PRDM16: variants seen among roughly 807,000 people sequenced by gnomAD.
The protein encoded by PRDM16 is histone-lysine N-methyltransferase PRDM16.
A neutral mutation model predicts 110.6 loss-of-function variants in PRDM16; 23 were observed. That is an observed-to-expected ratio of 0.21 (90% confidence interval 0.15 to 0.29). The LOEUF is 0.29. Among genes scored for constraint, PRDM16 ranks in the 10% least tolerant of loss-of-function variants. PRDM16 has a pLI of 1.00. For missense variants in PRDM16, 1,615 were observed against 1,794.3 expected (o/e 0.90, Z 1.81); for synonymous variants, 799 against 781.8 (o/e 1.02, Z -0.37).
At chr1:3,416,182 C>A (rs1638253331) in intron 10 of PRDM16, among the ~76,000 whole-genome samples, 1 of 152,198 alleles carries the variant, frequency 6.6e-6, no homozygotes, top group South Asian at 2.1e-4. Flanking sequence ...ACCAGTTCCC[C>A]AAATAGCAAA....
At chr1:3,191,377 C>T (rs1638306011) in intron 2 of PRDM16, among the ~76,000 whole-genome samples, 1 of 152,208 alleles carries the variant, frequency 6.6e-6, no homozygotes, top group Admixed American at 6.5e-5. Context: ...TTCTCTGGCA[C>T]TGCCATCATG....
At chr1:3,257,929 A>G (rs1177909419) in intron 3 of PRDM16, among the ~76,000 whole-genome samples, 3 of 152,200 alleles carry the variant, frequency 2.0e-5, no homozygotes, top group Non-Finnish European at 2.9e-5. Context: ...AGCTGTGTCT[A>G]GGAAGCACCT....
intron 1 of PRDM16, among the ~76,000 whole-genome samples, chr1:3,079,136 G>A (rs1044405948): frequency 2.0e-5 from 3 of 152,244 alleles, no homozygotes; most frequent in African/African-American, 7.2e-5. Flanking sequence ...CGCCTCCCTG[G>A]TGGAGCCGCG....
rs776356367 is a variant in PRDM16 at position 3,431,838 on chromosome 1, C to T, written c.3522-128C>T. The T allele has an allele frequency of 2.1e-4, 183 of 876,108 alleles. 1 individual carries two copies. Among genetic ancestry groups the T allele is most frequent in the Non-Finnish European group, 3.0e-4 (170 of 557,794 alleles). The allele number at this position is 876,108 out of a possible 1,614,324, so 54.3% of individuals were successfully genotyped here. On this transcript the variant is annotated intron_variant, in intron 15 of 16. Transcript: ENST00000270722. ...TCTGTGTGTCCGTGTGTCTGTCTCC[C>T]TGTGCATGTGGCTGGCAGAGATGCA...
intron 3 of PRDM16, among the ~76,000 whole-genome samples, chr1:3,254,825 C>T (rs1640010460): frequency 6.6e-6 from 1 of 151,992 alleles, no homozygotes; most frequent in Non-Finnish European, 1.5e-5. Flanking sequence ...TCATATGGAA[C>T]CAAAAAAGAG....
chr1:3,135,672 C>T (rs879869816), intron 1 of PRDM16, among the ~76,000 whole-genome samples: 4 of 152,218 alleles, frequency 2.6e-5, no homozygotes, highest in African/African-American at 4.8e-5. Context: ...ACCCAGCTTC[C>T]GGGCACTGGC....
At chr1:3,084,220 G>C (rs913105340) in intron 1 of PRDM16, among the ~76,000 whole-genome samples, 6 of 152,184 alleles carry the variant, frequency 3.9e-5, no homozygotes, top group Non-Finnish European at 8.8e-5. Flanking sequence ...GCGTCTGGGG[G>C]CCTGTACCCC....
intron 2 of PRDM16, among the ~76,000 whole-genome samples, chr1:3,236,792 T>C (rs993317963): frequency 1.3e-5 from 2 of 152,220 alleles, no homozygotes; most frequent in Admixed American, 1.3e-4. Context: ...CCCCTTCCTC[T>C]TCTGCACAGA....
At chr1:3,341,107 C>G (rs564758718) in intron 3 of PRDM16, among the ~76,000 whole-genome samples, 18 of 149,810 alleles carry the variant, frequency 1.2e-4, no homozygotes, top group East Asian at 1.2e-3. Flanking sequence ...CGTTTCTCCC[C>G]CTCTGAGCCC....
intron 3 of PRDM16, among the ~76,000 whole-genome samples, chr1:3,300,113 C>T (rs1254129307): frequency 1.1e-5 from 1 of 94,302 alleles, no homozygotes. Context: ...AGATCCCAGT[C>T]GTGGTGACTC....
intron 3 of PRDM16, among the ~76,000 whole-genome samples, chr1:3,277,774 CACGCACACATATGCACACACAA>C (rs1258133399): frequency 9.0e-6 from 1 of 111,238 alleles, no homozygotes; most frequent in East Asian, 1.9e-4. Flanking sequence ...CGCGCACACA[CACGCACACATATGCACACACAA>C]ACGCACAGTT....
chr1:3,087,606 A>T (rs995358762), intron 1 of PRDM16, among the ~76,000 whole-genome samples: 1 of 152,186 alleles, frequency 6.6e-6, no homozygotes, highest in Non-Finnish European at 1.5e-5. Flanking sequence ...CTATCCGCAG[A>T]TGCATTCTTA....
At chr1:3,182,556 G>T (rs907937803) in intron 1 of PRDM16, among the ~76,000 whole-genome samples, 2 of 152,144 alleles carry the variant, frequency 1.3e-5, no homozygotes, top group African/African-American at 4.8e-5. Flanking sequence ...TGGGTGAGGG[G>T]TGCTGAAGGC....
intron 1 of PRDM16, among the ~76,000 whole-genome samples, chr1:3,103,062 G>C (rs1015347601): frequency 2.6e-5 from 4 of 152,204 alleles, no homozygotes; most frequent in African/African-American, 7.2e-5. Flanking sequence ...ACGTTCAATG[G>C]GTCCTCCTCT....
intron 1 of PRDM16, among the ~76,000 whole-genome samples, chr1:3,134,314 G>A (rs575718306): frequency 2.6e-4 from 40 of 152,374 alleles, no homozygotes; most frequent in African/African-American, 9.1e-4. Context: ...GATTCTTGAA[G>A]AGAGGACGTG....
chr1:3,328,538 A>G (rs971538037), intron 3 of PRDM16, among the ~76,000 whole-genome samples: 2 of 152,122 alleles, frequency 1.3e-5, no homozygotes, highest in Non-Finnish European at 2.9e-5. Context: ...TTCAAAGGGC[A>G]CGGGGCCCTG....
chr1:3,413,284 G>C (rs1229970622), intron 9 of PRDM16, among the ~76,000 whole-genome samples: 2 of 149,094 alleles, frequency 1.3e-5, no homozygotes, highest in Non-Finnish European at 2.9e-5. Flanking sequence ...CACAGCGGCA[G>C]GGGGAATGGG....
At chr1:3,422,887 G>A (rs1020167988) in intron 12 of PRDM16, among the ~76,000 whole-genome samples, 3 of 152,224 alleles carry the variant, frequency 2.0e-5, no homozygotes, top group Non-Finnish European at 4.4e-5. Flanking sequence ...GTGCCCGGAG[G>A]CAGCTCAGCT....
In PRDM16 at chr1:3,283,970, C is replaced by T. The variant is rs559515456; in HGVS notation, c.438+39833C>T. Among the ~76,000 whole-genome samples, 6 of 152,316 alleles carry T rather than the reference C, an allele frequency of 3.9e-5. No individual in the cohort carries two copies. The South Asian group carries it at 1.0e-3, about 26-fold the overall frequency. On this transcript the variant is annotated intron_variant, in intron 3 of 16. Transcript: ENST00000270722. ...GTGTGTCCAGGAGACGCAGGCACAT[C>T]GCAGGGTTGGAAGTGCGCTGGGGGC... is the stretch of plus-strand genomic sequence containing the variant.
Sources: gnomAD v4.1 joint callset for allele counts (sites outside exome capture counted in the v4.1 genomes callset) on GRCh38, gnomAD v4.1.1 for gene constraint, MANE v1.5 for transcripts, NCBI Gene and HGNC (gene_info 2026-07-23, HGNC 2026-07-21) for gene names.